HECW1: variants seen among roughly 807,000 people sequenced by gnomAD.
The protein encoded by HECW1 is HECT, C2 and WW domain containing E3 ubiquitin protein ligase 1, also known as E3 ubiquitin-protein ligase HECW1.
HECW1 carries 61 observed loss-of-function variants against 182.3 expected under a neutral mutation model. That is an observed-to-expected ratio of 0.33 (90% CI 0.27 to 0.41). HECW1 has a LOEUF of 0.41. HECW1 is among the 10% of genes least tolerant of loss of function. The pLI is 1.00. For synonymous variants in HECW1, 859 were observed against 832.6 expected (o/e 1.03, Z -0.55); for missense variants, 1,739 against 2,108.9 (o/e 0.82, Z 3.44).
chr7:43,138,926 T>C (rs1787862178), intron 2 of HECW1, among the ~76,000 whole-genome samples: 1 of 152,346 alleles, frequency 6.6e-6, no homozygotes, highest in South Asian at 2.1e-4. Context: ...CTGCTGTGCA[T>C]GGTAAAGCTC....
chr7:43,177,669 T>C (rs1474642379), intron 2 of HECW1, among the ~76,000 whole-genome samples: 1 of 152,206 alleles, frequency 6.6e-6, no homozygotes, highest in Non-Finnish European at 1.5e-5. Flanking sequence ...TCATCCTTAA[T>C]AATATAAGAA....
intron 2 of HECW1, among the ~76,000 whole-genome samples, chr7:43,189,997 G>A (rs1256195234): frequency 6.6e-6 from 1 of 152,164 alleles, no homozygotes; most frequent in East Asian, 1.9e-4. Flanking sequence ...TTGGGAGAGA[G>A]AAAAACTTAC....
At chr7:43,143,786 ATT>A (rs1788417207) in intron 2 of HECW1, among the ~76,000 whole-genome samples, 1 of 152,286 alleles carries the variant, frequency 6.6e-6, no homozygotes, top group African/African-American at 2.4e-5. Flanking sequence ...AGACTGAGTT[ATT>A]TGCCTTATTT....
chr7:43,148,743 A>C (rs1359090601), intron 2 of HECW1: 1 of 151,848 alleles, frequency 6.6e-6, no homozygotes, highest in African/African-American at 2.4e-5. Flanking sequence ...TCAATTGATC[A>C]AGTCCCTTGA....
chr7:43,521,836 C>T (rs1358534250), intron 24 of HECW1, among the ~76,000 whole-genome samples: 1 of 152,226 alleles, frequency 6.6e-6, no homozygotes, highest in Non-Finnish European at 1.5e-5. Context: ...AATTGCATTG[C>T]ACTCCAGCCT....
intron 6 of HECW1, among the ~76,000 whole-genome samples, chr7:43,392,753 G>A (rs938868069): frequency 3.9e-5 from 6 of 152,172 alleles, no homozygotes; most frequent in Admixed American, 6.6e-5. Flanking sequence ...CAGTGATACT[G>A]TGCAAAGAAA....
chr7:43,461,675 C>T (rs1473816243), intron 13 of HECW1, among the ~76,000 whole-genome samples: 1 of 152,178 alleles, frequency 6.6e-6, no homozygotes, highest in Non-Finnish European at 1.5e-5. Context: ...TCTTCATAAC[C>T]TCCCACCACA....
intron 2 of HECW1, among the ~76,000 whole-genome samples, chr7:43,236,157 TC>T (rs1319121570): frequency 6.6e-6 from 1 of 152,206 alleles, no homozygotes. Context: ...CACTAAAACT[TC>T]ATGTGTGGGC....
chr7:43,157,829 G>A (rs1055956051), intron 2 of HECW1, among the ~76,000 whole-genome samples: 10 of 152,164 alleles, frequency 6.6e-5, no homozygotes, highest in Non-Finnish European at 1.5e-5. Context: ...CCAAAGTGCT[G>A]GGACTATAGG....
rs1482830130 is a variant in HECW1 at position 43,445,502 on chromosome 7, G to C, written c.2330G>C (p.Ser777Thr). ...TGGCAAGACGAGCTGGCCGCCCCTA[G>C]CGGGCACGTGGAAAGAAGCCCGGAA... ...GPWQDELAAP[S>T]GHVERSPEGL... The change falls in exon 11 of 30, where the codon AGC becomes ACC. Residue 777 changes from serine (S) to threonine (T), a missense_variant. Transcript: ENST00000395891. 6.2e-7 allele frequency: 1 copy of C among 1,611,436 alleles called. No homozygotes were observed. Among genetic ancestry groups the C allele is most frequent in the East Asian group, 2.2e-5 (1 of 44,824 alleles).
chr7:43,450,809 T>C lies in HECW1; in HGVS notation c.2399-19T>C, dbSNP rs1438779174. The C allele has an allele frequency of 6.1e-6, 9 of 1,486,110 alleles. No homozygotes were observed. The highest frequency in any genetic ancestry group is 8.5e-6 in the Non-Finnish European group (9 of 1,063,734). The allele number at this position is 1,486,110 out of a possible 1,614,324, so 92.1% of individuals were successfully genotyped here. A position where few individuals can be genotyped will look rare whatever the true frequency, so the allele number is the denominator to read the frequency against. ...ACGGCAGTGAATGAATCTGAATGTATTGACTATCTTGTCCGTAGGTGAATG... is the reference window on the plus strand; with the variant it reads ...ACGGCAGTGAATGAATCTGAATGTACTGACTATCTTGTCCGTAGGTGAATG... On this transcript the variant is annotated intron_variant, in intron 11 of 29. Transcript: ENST00000395891.
chr7:43,247,791 AAAG>A (rs141310753), intron 3 of HECW1, among the ~76,000 whole-genome samples: 31,025 of 131,074 alleles, frequency 0.24, 5,314 homozygotes, highest in African/African-American at 0.43. Context: ...GAAAAAAAGA[AAAG>A]AAGGAGGGAA....
intron 26 of HECW1, among the ~76,000 whole-genome samples, chr7:43,546,933 A>T (rs911563559): frequency 3.9e-5 from 6 of 152,214 alleles, no homozygotes; most frequent in Admixed American, 3.9e-4. Flanking sequence ...TTTTTTCCAG[A>T]ACGGGGCACT....
intron 8 of HECW1, among the ~76,000 whole-genome samples, chr7:43,422,238 C>G (rs1399957124): frequency 2.0e-5 from 3 of 152,108 alleles, no homozygotes; most frequent in Non-Finnish European, 4.4e-5. Flanking sequence ...CAAACCATTA[C>G]CCTACAATTA....
intron 2 of HECW1, among the ~76,000 whole-genome samples, chr7:43,180,289 T>C (rs7790693): frequency 0.29 from 36,678 of 124,898 alleles, 4,618 homozygotes; most frequent in African/African-American, 0.33. Flanking sequence ...CTCCCACTCC[T>C]TTTAATGGTT....
intron 26 of HECW1, among the ~76,000 whole-genome samples, chr7:43,549,532 T>A (rs2081713127): frequency 6.6e-6 from 1 of 152,244 alleles, no homozygotes; most frequent in Admixed American, 6.5e-5. Flanking sequence ...ACCCCCTTCA[T>A]ACATGAACAT....
At chr7:43,197,085 A>G (rs1794527376) in intron 2 of HECW1, among the ~76,000 whole-genome samples, 1 of 152,214 alleles carries the variant, frequency 6.6e-6, no homozygotes, top group Admixed American at 6.5e-5. Context: ...TATTAATTGG[A>G]ACACAAAAGC....
intron 2 of HECW1, among the ~76,000 whole-genome samples, chr7:43,189,312 T>A (rs1189527198): frequency 2.0e-5 from 3 of 152,242 alleles, no homozygotes; most frequent in South Asian, 4.2e-4. Flanking sequence ...AGATTCTGAT[T>A]CAGTAGGTGA....
Position 43,508,002 on chromosome 7 carries a change from C to T in HECW1, c.3753-16C>T, listed in dbSNP as rs1237146821. On this transcript the variant is annotated splice_polypyrimidine_tract_variant and intron_variant, in intron 22 of 29. Coordinates refer to ENST00000395891, the MANE Select transcript of HECW1 (RefSeq NM_015052.5). ...TGACTTCAGGGCCACTGCTCACCAC[C>T]CCTTCTCCTTCTCAGGCTCATTATT... The T allele has an allele frequency of 1.3e-5, 20 of 1,589,550 alleles. No homozygotes were observed. The highest frequency in any genetic ancestry group is 1.7e-5 in the Admixed American group (1 of 59,956).
Sources: allele counts gnomAD v4.1 joint callset (sites outside exome capture counted in the v4.1 genomes callset), GRCh38; gene constraint gnomAD v4.1.1; transcripts MANE v1.5; gene names NCBI Gene and HGNC (gene_info 2026-07-23, HGNC 2026-07-21).